The following KCNH7 variants were observed in gnomAD, a reference collection of about 807,000 sequenced individuals.
The protein encoded by KCNH7 is potassium voltage-gated channel subfamily H member 7.
KCNH7 carries 49 observed loss-of-function variants against 120.8 expected under a neutral mutation model. That is an observed-to-expected ratio of 0.41 (90% CI 0.32 to 0.51). KCNH7 has a LOEUF of 0.51. Ranked by LOEUF, KCNH7 falls within the 20% of genes least tolerant of loss-of-function variation. The pLI is 0.38. For synonymous variants in KCNH7, 547 were observed against 516.1 expected (o/e 1.06, Z -0.81); for missense variants, 1,097 against 1,446.6 (o/e 0.76, Z 3.92).
chr2:162,677,221 G>A (rs146610367), intron 2 of KCNH7, among the ~76,000 whole-genome samples: 317 of 151,440 alleles, frequency 2.1e-3, no homozygotes, highest in African/African-American at 7.2e-3. Flanking sequence ...CCATTAATTC[G>A]TTCATTGATT....
intron 2 of KCNH7, among the ~76,000 whole-genome samples, chr2:162,741,452 T>C (rs560187889): frequency 6.6e-6 from 1 of 151,958 alleles, no homozygotes; most frequent in Non-Finnish European, 1.5e-5. Context: ...ATTATTATAC[T>C]ATACAATGTT....
At chr2:162,748,153 C>A (rs749090387) in intron 2 of KCNH7, among the ~76,000 whole-genome samples, 2 of 152,220 alleles carry the variant, frequency 1.3e-5, no homozygotes, top group Non-Finnish European at 2.9e-5. Context: ...GGCAAATACT[C>A]TTGGGACCTC....
At chr2:162,436,617 A>G (rs187971791) in intron 7 of KCNH7, among the ~76,000 whole-genome samples, 339 of 152,284 alleles carry the variant, frequency 2.2e-3, no homozygotes, top group African/African-American at 7.7e-3. Context: ...TAATTATTCC[A>G]TAGTTACATG....
chr2:162,834,951 T>A (rs1256912471), intron 2 of KCNH7, among the ~76,000 whole-genome samples: 1 of 152,122 alleles, frequency 6.6e-6, no homozygotes. Context: ...CAATATAGAC[T>A]GTGTTGGCAT....
chr2:162,699,860 C>T (rs888274657), intron 2 of KCNH7, among the ~76,000 whole-genome samples: 12 of 151,954 alleles, frequency 7.9e-5, no homozygotes, highest in African/African-American at 2.4e-4. Context: ...AAGATAATGC[C>T]CTCCCTCTCC....
At chr2:162,504,810 G>C (rs943564128) in intron 5 of KCNH7, among the ~76,000 whole-genome samples, 153 bp from the exon 6 acceptor site, 3 of 151,926 alleles carry the variant, frequency 2.0e-5, no homozygotes, top group Non-Finnish European at 4.4e-5. Context: ...AGGGCTTAGG[G>C]TCACCTTGGG....
intron 2 of KCNH7, among the ~76,000 whole-genome samples, chr2:162,608,085 G>A (rs1682841057): frequency 6.6e-6 from 1 of 152,028 alleles, no homozygotes; most frequent in Non-Finnish European, 1.5e-5. Flanking sequence ...AGTAGTTGCG[G>A]GTGTACTTGG....
At chr2:162,829,849 G>GT (rs5835923) in intron 2 of KCNH7, among the ~76,000 whole-genome samples, 75,424 of 135,990 alleles carry the variant, frequency 0.55, 21,353 homozygotes, top group South Asian at 0.8. Flanking sequence ...AACTTTATCT[G>GT]TTTTTTTTTT....
At chr2:162,788,216 CT>C (rs1348054050) in intron 2 of KCNH7, among the ~76,000 whole-genome samples, 6 of 152,092 alleles carry the variant, frequency 3.9e-5, no homozygotes, top group Admixed American at 1.3e-4. Flanking sequence ...TGACTTATGA[CT>C]TTTTTACTTT....
chr2:162,434,918 A>T (rs1295149169), intron 8 of KCNH7, among the ~76,000 whole-genome samples: 2 of 151,968 alleles, frequency 1.3e-5, no homozygotes, highest in African/African-American at 4.8e-5. Context: ...AATTACAGAT[A>T]CTCTTTGTAT....
intron 13 of KCNH7, among the ~76,000 whole-genome samples, chr2:162,384,044 T>C (rs888054389): frequency 6.6e-6 from 1 of 151,890 alleles, no homozygotes; most frequent in Non-Finnish European, 1.5e-5. Flanking sequence ...TTCCATGTAA[T>C]AGTTCTTTAA....
chr2:162,645,294 C>T (rs764079070), intron 2 of KCNH7, among the ~76,000 whole-genome samples: 6 of 151,982 alleles, frequency 3.9e-5, no homozygotes, highest in Non-Finnish European at 7.4e-5. Flanking sequence ...ACTACAGGCA[C>T]GTGCCACCAT....
At chr2:162,550,727 T>C (rs1692641195) in intron 2 of KCNH7, among the ~76,000 whole-genome samples, 1 of 152,114 alleles carries the variant, frequency 6.6e-6, no homozygotes, top group African/African-American at 2.4e-5. Context: ...GTTTGAATCC[T>C]GAGTGATACA....
intron 2 of KCNH7, among the ~76,000 whole-genome samples, chr2:162,646,665 G>T (rs1305343987): frequency 6.6e-6 from 1 of 152,206 alleles, no homozygotes; most frequent in Admixed American, 6.5e-5. Flanking sequence ...GCTGTTTCCA[G>T]TTTGAAGACA....
chr2:162,372,188 C>G lies in KCNH7; in HGVS notation c.3325-93G>C. 4 of 1,027,406 alleles carry G rather than the reference C, an allele frequency of 3.9e-6. No individual in the cohort carries two copies. In the South Asian group the frequency reaches 6.7e-5, roughly 17 times the overall value. 63.6% of individuals were successfully genotyped at this position (1,027,406 alleles called of 1,614,324 possible). On this transcript the variant is annotated intron_variant, in intron 15 of 15. Coordinates refer to ENST00000332142, the MANE Select transcript of KCNH7 (RefSeq NM_033272.4). ...AATAAAAACTTAAGCATTTTCTTTC[C>G]TCATTAATCTATATTTGATTAGTGA...
At chr2:162,429,193 A>C (rs1687974377) in intron 8 of KCNH7, among the ~76,000 whole-genome samples, 2 of 151,784 alleles carry the variant, frequency 1.3e-5, no homozygotes. Context: ...AAATAGCATA[A>C]TACCATCTCA....
chr2:162,699,067 C>T (rs1191735866), intron 2 of KCNH7, among the ~76,000 whole-genome samples: 1 of 152,050 alleles, frequency 6.6e-6, no homozygotes, highest in African/African-American at 2.4e-5. Context: ...ACATGCTTAT[C>T]ATTTTTTGTG....
At chr2:162,686,688 A>C (rs1685904457) in intron 2 of KCNH7, among the ~76,000 whole-genome samples, 1 of 152,116 alleles carries the variant, frequency 6.6e-6, no homozygotes, top group African/African-American at 2.4e-5. Context: ...ATGTTTCCCT[A>C]ATCCTTTCTG....
intron 2 of KCNH7, among the ~76,000 whole-genome samples, chr2:162,683,421 C>T (rs914258374): frequency 3.3e-5 from 5 of 151,890 alleles, no homozygotes; most frequent in South Asian, 2.1e-4. Flanking sequence ...AAATAAGCTT[C>T]GGATTAATCA....
Sources: allele counts gnomAD v4.1 joint callset (sites outside exome capture counted in the v4.1 genomes callset), GRCh38; gene constraint gnomAD v4.1.1; transcripts MANE v1.5; gene names NCBI Gene and HGNC (gene_info 2026-07-23, HGNC 2026-07-21).